TBC1D9B: variants seen among roughly 807,000 people sequenced by gnomAD.
TBC1D9B encodes the protein TBC1 domain family, member 9B (with GRAM domain).
In TBC1D9B, 87 loss-of-function variants were observed where a neutral mutation model predicts 121.1. That is an observed-to-expected ratio of 0.72 (90% CI 0.60 to 0.86). TBC1D9B has a LOEUF of 0.86. Ranked by LOEUF, TBC1D9B falls within the 40% of genes least tolerant of loss-of-function variation. The pLI, the probability that TBC1D9B is intolerant of heterozygous loss-of-function variation, is 0.00. For missense variants in TBC1D9B, 1,540 were observed against 1,628.6 expected (o/e 0.95, Z 0.94); for synonymous variants, 668 against 670.1 (o/e 1.00, Z 0.05).
At chr5:179,878,769 G>T (rs1462910571) in intron 9 of TBC1D9B, among the ~76,000 whole-genome samples, 1 of 152,186 alleles carries the variant, frequency 6.6e-6, no homozygotes, top group Admixed American at 6.5e-5. Context: ...CCAAGGAAAG[G>T]AGGCCTCTAG....
intron 4 of TBC1D9B, 95 bp from the exon 5 acceptor site, chr5:179,893,562 C>T: frequency 6.8e-7 from 1 of 1,471,332 alleles, no homozygotes; most frequent in South Asian, 1.4e-5. Flanking sequence ...CAGGGAACTG[C>T]TCTCTGGGGG....
chr5:179,894,692 G>A (rs1280007840), intron 3 of TBC1D9B, 78 bp from the exon 4 acceptor site: 1 of 1,485,658 alleles, frequency 6.7e-7, no homozygotes, highest in Non-Finnish European at 9.3e-7. Flanking sequence ...GAGGCCCAGG[G>A]AACCCAGGAC....
In TBC1D9B at chr5:179,865,996, G is replaced by A. The variant is rs1759995744; in HGVS notation, c.2864-108C>T. The A allele has an allele frequency of 1.4e-6, 2 of 1,405,170 alleles. No homozygotes were observed. Among genetic ancestry groups the A allele is most frequent in the African/African-American group, 1.4e-5 (1 of 70,540 alleles). 87.0% of individuals were successfully genotyped at this position (1,405,170 alleles called of 1,614,324 possible). ...CTGTGTTTCTGTACAGCCAGCCCCAGGCCAGGCCCTGGGGAGCAGGTCTCC... is the reference window on the plus strand; with the variant it reads ...CTGTGTTTCTGTACAGCCAGCCCCAAGCCAGGCCCTGGGGAGCAGGTCTCC... On this transcript the variant is annotated intron_variant, in intron 18 of 20. Transcript: ENST00000355235. The surrounding 1 kb of genome is among the most constrained non-coding windows in gnomAD (Gnocchi z 5.1).
rs1029616307 is a variant in TBC1D9B at position 179,893,221 on chromosome 5, G to A, written c.824C>T (p.Ser275Leu). ...GAGGGCAACGCACCGCTTCAGGGCT[G>A]AGATGTTCCTGTGTGGCCGGATGGG... Reference protein sequence around the residue: ...PRPIRPHRNISALKRDLDARA... With the variant: ...PRPIRPHRNILALKRDLDARA... The change falls in exon 5 of 21, where the codon TCA (serine) becomes TTA (leucine). Residue 275 changes from serine (S) to leucine (L), a missense_variant. Transcript: ENST00000355235. 6.2e-7 allele frequency: 1 copy of A among 1,610,174 alleles called. No individual in the cohort carries two copies. Among genetic ancestry groups the A allele is most frequent in the Non-Finnish European group, 8.5e-7 (1 of 1,178,602 alleles).
intron 1 of TBC1D9B, among the ~76,000 whole-genome samples, chr5:179,906,912 C>T (rs1237024702): frequency 6.6e-6 from 1 of 152,226 alleles, no homozygotes; most frequent in Non-Finnish European, 1.5e-5. Flanking sequence ...CCGAGCCAGC[C>T]GGGCTCCTGC....
intron 3 of TBC1D9B, among the ~76,000 whole-genome samples, chr5:179,896,812 C>T (rs1232353114): frequency 1.3e-5 from 2 of 152,228 alleles, no homozygotes; most frequent in East Asian, 1.9e-4. Context: ...GTGTGAGACA[C>T]CACGCCCAGC....
rs746527913 is a variant in TBC1D9B at position 179,875,127 on chromosome 5, G to A, written c.1961C>T (p.Ser654Leu). The A allele has an allele frequency of 2.1e-5, 34 of 1,613,838 alleles. No individual in the cohort carries two copies. The highest frequency in any genetic ancestry group is 2.7e-5 in the Non-Finnish European group (32 of 1,180,044). ...CACCCCCAGGTCCTGCATCTTCTCC[G>A]AGAGCTGCGGCAGGAAGTCTCTCGT... ...ELTRDFLPQL[S>L]EKMQDLGVIS... Residue 654 changes from serine (S) to leucine (L), a missense_variant, in exon 12 of 21, where the codon TCG becomes TTG. Coordinates refer to ENST00000355235, the MANE Select transcript of TBC1D9B (RefSeq NM_015043.4). This position sits in a 1 kb window ranked among gnomAD's most constrained non-coding sequence, Gnocchi z 4.5.
chr5:179,891,586 TC>T lies in TBC1D9B; in HGVS notation c.837-1del. On this transcript the variant is annotated splice_acceptor_variant, in intron 5 of 20. Coordinates refer to ENST00000355235, the MANE Select transcript of TBC1D9B (RefSeq NM_015043.4). LOFTEE classifies it high-confidence loss of function. The surrounding 1 kb of genome is among the most constrained non-coding windows in gnomAD (Gnocchi z 4.3). ...CATTCTTGGCTCGGGCGTCCAGGTC[TC>T]TGGGGAAACAAGGTAGGAGGACAGG... 6.2e-7 allele frequency: 1 copy of T among 1,612,172 alleles called. No homozygotes were observed. The highest frequency in any genetic ancestry group is 1.3e-5 in the African/African-American group (1 of 74,942).
At chr5:179,884,781 C>A (rs1760630674) in intron 7 of TBC1D9B, among the ~76,000 whole-genome samples, 1 of 152,156 alleles carries the variant, frequency 6.6e-6, no homozygotes, top group Non-Finnish European at 1.5e-5. Flanking sequence ...TATGCTTCCA[C>A]TTATGTGCAT....
intron 15 of TBC1D9B, 134 bp from the exon 16 acceptor site, chr5:179,870,629 C>T (rs1760164686): frequency 3.0e-6 from 4 of 1,316,448 alleles, no homozygotes; most frequent in East Asian, 2.5e-5. Context: ...ACGGGCCAGA[C>T]ACTGCAGCAC....
At chr5:179,895,392 C>G (rs985203536) in intron 3 of TBC1D9B, among the ~76,000 whole-genome samples, 2 of 152,148 alleles carry the variant, frequency 1.3e-5, no homozygotes, top group African/African-American at 4.8e-5. Flanking sequence ...ATGGGATCAC[C>G]CTGCAGCTCT....
intron 7 of TBC1D9B, among the ~76,000 whole-genome samples, chr5:179,882,135 A>T (rs913655983): frequency 5.3e-5 from 8 of 151,854 alleles, no homozygotes; most frequent in African/African-American, 1.9e-4. Context: ...AATAGAGACG[A>T]GGTTTCACCA....
rs569474553 is a variant in TBC1D9B, at chr5:179,873,411, C to T, written c.2187-163G>A. Among the ~76,000 whole-genome samples, 253 of 152,344 alleles carry T rather than the reference C, an allele frequency of 1.7e-3. 1 individual carries two copies. The highest frequency in any genetic ancestry group is 6.8e-3 in the Middle Eastern group (2 of 294). ...GGAGGGCAGAGGTGTGCCCTGGCAG[C>T]GCCCCCAGCAAGTTGGGGAGCCCTC... On this transcript the variant is annotated intron_variant, in intron 12 of 20. Coordinates refer to ENST00000355235, the MANE Select transcript of TBC1D9B (RefSeq NM_015043.4).
rs1759992143 is a variant in TBC1D9B, at chr5:179,865,870, T to C, written c.2882A>G (p.Glu961Gly). The change falls in exon 19 of 21, where the codon GAG becomes GGG. Residue 961 changes from glutamate to glycine, a missense_variant. Physicochemically the swap from Glu to Gly is moderately conservative, Grantham distance 98 (BLOSUM62 -2). Transcript: ENST00000355235. This position sits in a 1 kb window ranked among gnomAD's most constrained non-coding sequence, Gnocchi z 5.1. The part of the protein sequence containing the change: ...SSSEEALPQE[E>G]QEGSGSEERG... The stretch of plus-strand genomic sequence containing the variant: ...CTCCTCACTTCCACTTCCTTCTTGC[T>C]CTTCCTGTGGTAGTGCTTCTGGACA... 1.9e-6 allele frequency: 3 copies of C among 1,613,218 alleles called. No individual in the cohort carries two copies. The highest frequency in any genetic ancestry group is 2.5e-6 in the Non-Finnish European group (3 of 1,179,508).
intron 9 of TBC1D9B, 122 bp from the exon 10 acceptor site, chr5:179,878,645 A>G: frequency 2.0e-6 from 2 of 978,390 alleles, no homozygotes; most frequent in South Asian, 1.7e-5. Context: ...GTCAAGCACA[A>G]GCTGCGAGGC....
intron 7 of TBC1D9B, among the ~76,000 whole-genome samples, chr5:179,883,433 G>C (rs1336554950): frequency 2.0e-5 from 3 of 151,838 alleles, no homozygotes; most frequent in African/African-American, 7.3e-5. Context: ...TTCTCTATTT[G>C]TTTGAGTCTC....
chr5:179,899,397 C>T (rs1750685848), intron 2 of TBC1D9B, 90 bp from the exon 3 acceptor site: 1 of 1,085,018 alleles, frequency 9.2e-7, no homozygotes, highest in Admixed American at 1.9e-5. Flanking sequence ...AGTGGGTGAC[C>T]TCATTTGCTA....
intron 17 of TBC1D9B, 147 bp from the exon 18 acceptor site, chr5:179,867,996 A>G (rs929193036): frequency 1.8e-6 from 1 of 570,514 alleles, no homozygotes; most frequent in African/African-American, 1.9e-5. Flanking sequence ...GTGCCCGGTA[A>G]TAGTTTTGAT....
chr5:179,876,601 G>C (rs1317517171), intron 10 of TBC1D9B, among the ~76,000 whole-genome samples: 1 of 152,158 alleles, frequency 6.6e-6, no homozygotes, highest in African/African-American at 2.4e-5. Flanking sequence ...AAAATCAAAA[G>C]CTGCGAGAAA....
Sources: gnomAD v4.1 joint callset for allele counts (sites outside exome capture counted in the v4.1 genomes callset) on GRCh38, gnomAD v4.1.1 for gene constraint, Gnocchi (gnomAD v3.1) non-coding constraint, MANE v1.5 for transcripts, NCBI Gene and HGNC (gene_info 2026-07-23, HGNC 2026-07-21) for gene names.